TENM4: variants seen among roughly 807,000 people sequenced by gnomAD.
TENM4 encodes the protein teneurin transmembrane protein 4, also known as teneurin-4.
A neutral mutation model predicts 243.3 loss-of-function variants in TENM4; 82 were observed. The ratio of observed to expected loss-of-function variants is 0.34; its 90% CI spans 0.28 to 0.40. The LOEUF is 0.40. Ranked by LOEUF, TENM4 falls within the 10% of genes least tolerant of loss-of-function variation. The pLI is 1.00. For synonymous variants in TENM4, 1,412 were observed against 1,456.3 expected (o/e 0.97, Z 0.69); for missense variants, 3,138 against 3,673.3 (o/e 0.85, Z 3.77).
At chr11:79,081,545 G>GTGTGTC (rs1251463421) in intron 4 of TENM4, among the ~76,000 whole-genome samples, 1 of 151,658 alleles carries the variant, frequency 6.6e-6, no homozygotes, top group Non-Finnish European at 1.5e-5. Context: ...GTGTGTGTGT[G>GTGTGTC]TGTGTGTGTG....
intron 6 of TENM4, among the ~76,000 whole-genome samples, chr11:79,059,045 C>G (rs1435431435): frequency 6.6e-6 from 1 of 152,146 alleles, no homozygotes; most frequent in Non-Finnish European, 1.5e-5. Context: ...GTTCCTTTCT[C>G]ACTGTGCTTT....
intron 6 of TENM4, among the ~76,000 whole-genome samples, chr11:78,934,154 T>A (rs1016994970): frequency 6.6e-6 from 1 of 152,128 alleles, no homozygotes; most frequent in African/African-American, 2.4e-5. Context: ...CCTGGGGAGA[T>A]CCTGCAGAAA....
At chr11:79,082,624 T>C (rs1472245209) in intron 4 of TENM4, among the ~76,000 whole-genome samples, 1 of 152,128 alleles carries the variant, frequency 6.6e-6, no homozygotes, top group Admixed American at 6.5e-5. Flanking sequence ...TTTAAAATGC[T>C]CCATCTAGGG....
intron 31 of TENM4, among the ~76,000 whole-genome samples, chr11:78,671,754 C>T (rs1236163160): frequency 2.0e-5 from 3 of 152,196 alleles, no homozygotes; most frequent in East Asian, 1.9e-4. Flanking sequence ...GTCTGAACCC[C>T]GAGTCCTGCT....
At chr11:79,120,510 T>A (rs1591297344) in intron 4 of TENM4, among the ~76,000 whole-genome samples, 1 of 152,254 alleles carries the variant, frequency 6.6e-6, no homozygotes, top group Non-Finnish European at 1.5e-5. Flanking sequence ...GGACACATTG[T>A]TACTGGTAGG....
At position 78,701,977 on chromosome 11, in the gene TENM4, C is replaced by T; in HGVS notation, c.4636G>A (p.Ala1546Thr). The T allele has an allele frequency of 6.2e-7, 1 of 1,614,016 alleles. No individual in the cohort carries two copies. The highest frequency in any genetic ancestry group is 1.1e-5 in the South Asian group (1 of 91,084). Residue 1546 changes from alanine to threonine, a missense_variant, in exon 28 of 34, where the codon GCT becomes ACT. This residue lies in a region of TENM4 where 2,467 missense variants were observed against 3,059.1 expected (regional missense o/e 0.81). Coordinates refer to ENST00000278550, the MANE Select transcript of TENM4 (RefSeq NM_001098816.3). ...TCGGCCACGTAGAGCTCCCCATCAG[C>T]ACACACAGCCAAGGAAGATGGGGTA... is the stretch of plus-strand genomic sequence containing the variant. ...LNTPSSLAVC[A>T]DGELYVADLG... is the part of the protein sequence containing the mutation.
At chr11:79,173,018 T>C (rs1326354656) in intron 3 of TENM4, among the ~76,000 whole-genome samples, 2 of 152,224 alleles carry the variant, frequency 1.3e-5, no homozygotes, top group Non-Finnish European at 2.9e-5. Flanking sequence ...TTCCAAAATG[T>C]AAATCTCATC....
chr11:79,303,682 C>A (rs1285439889), intron 1 of TENM4, among the ~76,000 whole-genome samples: 2 of 152,098 alleles, frequency 1.3e-5, no homozygotes, highest in African/African-American at 4.8e-5. Flanking sequence ...GATTTTGAAC[C>A]CAGGAGGTTT....
At chr11:78,957,728 G>A (rs1475430023) in intron 6 of TENM4, among the ~76,000 whole-genome samples, 1 of 152,188 alleles carries the variant, frequency 6.6e-6, no homozygotes, top group Non-Finnish European at 1.5e-5. Context: ...AAAGACCCAT[G>A]GACGGCCCAG....
At chr11:79,379,450 T>C (rs761308085) in intron 1 of TENM4, among the ~76,000 whole-genome samples, 11 of 152,172 alleles carry the variant, frequency 7.2e-5, no homozygotes, top group Non-Finnish European at 1.5e-4. Context: ...CCCTTTTAGA[T>C]ACGATTGACG....
intron 1 of TENM4, among the ~76,000 whole-genome samples, chr11:79,372,396 C>T (rs1590918265): frequency 6.6e-6 from 1 of 152,312 alleles, no homozygotes; most frequent in East Asian, 1.9e-4. Context: ...TGTGTCAGAA[C>T]CACACAAGCC....
intron 6 of TENM4, among the ~76,000 whole-genome samples, chr11:79,016,769 T>C (rs1253153499): frequency 2.0e-5 from 3 of 152,208 alleles, no homozygotes; most frequent in Non-Finnish European, 4.4e-5. Context: ...GGGGGAAGCA[T>C]TCAGCTTTCA....
intron 4 of TENM4, among the ~76,000 whole-genome samples, chr11:79,141,601 G>GA (rs1862286061): frequency 6.6e-6 from 1 of 151,930 alleles, no homozygotes; most frequent in Non-Finnish European, 1.5e-5. Flanking sequence ...AAACTATCCT[G>GA]AAAAATAGAG....
At chr11:79,182,476 A>G (rs1863302850) in intron 3 of TENM4, among the ~76,000 whole-genome samples, 1 of 152,208 alleles carries the variant, frequency 6.6e-6, no homozygotes, top group Non-Finnish European at 1.5e-5. Context: ...AACACCAAGT[A>G]AATAACATAG....
At chr11:79,308,029 G>A (rs188490448) in intron 1 of TENM4, among the ~76,000 whole-genome samples, 6 of 152,342 alleles carry the variant, frequency 3.9e-5, no homozygotes, top group Admixed American at 3.9e-4. Context: ...CAACAAGGCT[G>A]CACAGGGCCC....
At chr11:79,371,712 A>G (rs1460753129) in intron 1 of TENM4, among the ~76,000 whole-genome samples, 1 of 152,222 alleles carries the variant, frequency 6.6e-6, no homozygotes, top group Non-Finnish European at 1.5e-5. Flanking sequence ...GAGAAAATTC[A>G]CAAAGGAAAT....
At chr11:78,845,552 C>T (rs1591066522) in intron 12 of TENM4, among the ~76,000 whole-genome samples, 1 of 152,214 alleles carries the variant, frequency 6.6e-6, no homozygotes, top group Non-Finnish European at 1.5e-5. Context: ...CCACCAGTGC[C>T]AATTCCAGCA....
chr11:79,133,603 T>C (rs1862052731), intron 4 of TENM4, among the ~76,000 whole-genome samples: 1 of 151,926 alleles, frequency 6.6e-6, no homozygotes. Flanking sequence ...AAATCCTTAA[T>C]AAAATACTAG....
Position 78,999,062 on chromosome 11 carries a change from G to C in TENM4, c.493+65676C>G, listed in dbSNP as rs73502682. The stretch of plus-strand genomic sequence containing the variant: ...TGGCTCAAACACATGGAAGTGTTTT[G>C]AGCACAGTCTCTGTCCATCTGTCCA... On this transcript the variant is annotated intron_variant, in intron 6 of 33. Coordinates refer to ENST00000278550, the MANE Select transcript of TENM4 (RefSeq NM_001098816.3). Among the ~76,000 whole-genome samples the C allele has an allele frequency of 7.5e-3, 1,149 of 152,282 alleles. 8 individuals carry two copies. The highest frequency in any genetic ancestry group is 0.026 in the African/African-American group (1,093 of 41,556).
Sources: allele counts gnomAD v4.1 joint callset (sites outside exome capture counted in the v4.1 genomes callset), GRCh38; gene constraint gnomAD v4.1.1; regional missense constraint gnomAD v4.1.1; transcripts MANE v1.5; gene names NCBI Gene and HGNC (gene_info 2026-07-23, HGNC 2026-07-21).